AKAP12: variants seen among roughly 807,000 people sequenced by gnomAD.
The protein encoded by AKAP12 is A-kinase anchoring protein 12, also known as A-kinase anchor protein 12.
AKAP12 carries 32 observed loss-of-function variants against 79.9 expected under a neutral mutation model. The ratio of observed to expected loss-of-function variants is 0.40; its 90% CI spans 0.30 to 0.54. AKAP12 has a LOEUF of 0.54. Ranked by LOEUF, AKAP12 falls within the 20% of genes least tolerant of loss-of-function variation. AKAP12 has a pLI of 0.48. For synonymous variants in AKAP12, 808 were observed against 857.0 expected (o/e 0.94, Z 1.00); for missense variants, 2,074 against 2,177.0 (o/e 0.95, Z 0.94).
intron 3 of AKAP12, 29 bp from the exon 4 acceptor site, chr6:151,348,682 C>CCA: frequency 7.0e-5 from 14 of 198,900 alleles, no homozygotes; most frequent in East Asian, 1.3e-4. Flanking sequence ...TTCTCTTCTC[C>CCA]CCACCCCCCC....
intron 2 of AKAP12, among the ~76,000 whole-genome samples, chr6:151,299,576 G>A (rs1776809820): frequency 6.6e-6 from 1 of 151,804 alleles, no homozygotes; most frequent in Non-Finnish European, 1.5e-5. Context: ...GGTTATTTTT[G>A]TTTAGTTTGG....
intron 2 of AKAP12, among the ~76,000 whole-genome samples, chr6:151,244,397 G>A (rs139200445): frequency 0.051 from 7,689 of 152,162 alleles, 682 homozygotes; most frequent in African/African-American, 0.18. Flanking sequence ...GGTGGCGGGC[G>A]CCTGTAGTCC....
chr6:151,270,786 A>C (rs903964447), intron 2 of AKAP12, among the ~76,000 whole-genome samples: 1 of 150,608 alleles, frequency 6.6e-6, no homozygotes, highest in Non-Finnish European at 1.5e-5. Flanking sequence ...AATTGTGTGG[A>C]TCCCTTTTGC....
chr6:151,347,109 G>A (rs7776145), intron 3 of AKAP12, among the ~76,000 whole-genome samples: 10,154 of 152,254 alleles, frequency 0.067, 446 homozygotes, highest in East Asian at 0.14. Flanking sequence ...AAAATACAAA[G>A]GATCCATTAT....
chr6:151,267,100 C>CA (rs1453029637), intron 2 of AKAP12, among the ~76,000 whole-genome samples: 1 of 142,858 alleles, frequency 7.0e-6, no homozygotes, highest in East Asian at 2.1e-4. Flanking sequence ...TTCATCTTTT[C>CA]AAAACTTTCA....
intron 3 of AKAP12, among the ~76,000 whole-genome samples, chr6:151,343,729 A>G (rs1355126098): frequency 6.6e-6 from 1 of 152,218 alleles, no homozygotes; most frequent in Admixed American, 6.5e-5. Context: ...GGTTGCAGTG[A>G]GCTGAGATCG....
intron 2 of AKAP12, among the ~76,000 whole-genome samples, chr6:151,297,019 G>GTTTTTTTTT (rs36046672): frequency 3.1e-5 from 4 of 127,654 alleles, no homozygotes; most frequent in East Asian, 2.3e-4. Context: ...AAATAAAAGG[G>GTTTTTTTTT]TTTTTTTTTT....
intron 2 of AKAP12, among the ~76,000 whole-genome samples, chr6:151,275,019 G>A (rs111930575): frequency 0.15 from 23,384 of 152,030 alleles, 1,939 homozygotes; most frequent in Middle Eastern, 0.21. Context: ...CGGGAGGATC[G>A]ATTGAGCCTG....
At chr6:151,246,073 T>G (rs577960333) in intron 2 of AKAP12, among the ~76,000 whole-genome samples, 23 of 152,348 alleles carry the variant, frequency 1.5e-4, no homozygotes, top group African/African-American at 5.0e-4. Flanking sequence ...TATATTTAGA[T>G]TGTCCTCGTC....
chr6:151,353,734 ATC>A lies in AKAP12; in HGVS notation c.5345_5346del (p.Ser1782LeufsTer25). On this transcript the variant is annotated frameshift_variant, in exon 4 of 5. Transcript: ENST00000402676. LOFTEE classifies it low-confidence loss of function (END_TRUNC). ...AATCTGCAAAGTCAGAACTTACAGA[ATC>A]TTAAAACATCATGCAGGTAAGCTTC... ...RESAKSELTE[S>X] is the part of the protein sequence containing the mutation. 1 of 1,571,820 alleles carries A rather than the reference ATC, an allele frequency of 6.4e-7. No homozygotes were observed. The highest frequency in any genetic ancestry group is 8.6e-7 in the Non-Finnish European group (1 of 1,160,826).
chr6:151,276,311 CTGAT>C (rs1234361359), intron 2 of AKAP12, among the ~76,000 whole-genome samples: 1 of 152,206 alleles, frequency 6.6e-6, no homozygotes, highest in African/African-American at 2.4e-5. Flanking sequence ...GTTATAGTCA[CTGAT>C]TGCAAGTGCT....
At chr6:151,279,306 C>T (rs1776351409) in intron 2 of AKAP12, among the ~76,000 whole-genome samples, 1 of 152,042 alleles carries the variant, frequency 6.6e-6, no homozygotes, top group Non-Finnish European at 1.5e-5. Flanking sequence ...GTTTCTAATC[C>T]TAACAAGGTC....
intron 3 of AKAP12, chr6:151,323,885 T>C (rs1158473098): frequency 5.1e-6 from 5 of 985,268 alleles, no homozygotes; most frequent in Non-Finnish European, 6.0e-6. Flanking sequence ...TGAGAAATGA[T>C]GCAGAACCAA....
At chr6:151,287,172 C>G (rs1385415914) in intron 2 of AKAP12, among the ~76,000 whole-genome samples, 2 of 152,148 alleles carry the variant, frequency 1.3e-5, no homozygotes, top group Admixed American at 1.3e-4. Context: ...ATCTCCTGAC[C>G]TTGTGATCCA....
intron 3 of AKAP12, among the ~76,000 whole-genome samples, chr6:151,332,875 C>T (rs546516632): frequency 3.3e-5 from 5 of 152,308 alleles, no homozygotes; most frequent in African/African-American, 7.2e-5. Flanking sequence ...CCAGTGAGTA[C>T]GTGAGCACCA....
intron 2 of AKAP12, among the ~76,000 whole-genome samples, chr6:151,289,800 G>A (rs1004357639): frequency 1.3e-5 from 2 of 152,196 alleles, no homozygotes; most frequent in African/African-American, 4.8e-5. Context: ...TGTAAAGGGA[G>A]GGTGGTGGGC....
chr6:151,300,015 A>G (rs1776826131), intron 2 of AKAP12, among the ~76,000 whole-genome samples: 1 of 152,196 alleles, frequency 6.6e-6, no homozygotes, highest in Non-Finnish European at 1.5e-5. Context: ...GGGTTTGCGT[A>G]TTTAAAATTC....
intron 2 of AKAP12, among the ~76,000 whole-genome samples, chr6:151,282,998 A>G (rs908203740): frequency 3.6e-4 from 55 of 152,152 alleles, no homozygotes; most frequent in Non-Finnish European, 1.0e-4. Flanking sequence ...ACTGTTGAAG[A>G]GTATTCAGGA....
At chr6:151,320,197 T>G (rs1327083886) in intron 3 of AKAP12, among the ~76,000 whole-genome samples, 1 of 152,080 alleles carries the variant, frequency 6.6e-6, no homozygotes, top group East Asian at 1.9e-4. Context: ...GTAGCCTGCT[T>G]TATTGCAGCC....
Sources: allele counts gnomAD v4.1 joint callset (sites outside exome capture counted in the v4.1 genomes callset), GRCh38; gene constraint gnomAD v4.1.1; transcripts MANE v1.5; gene names NCBI Gene and HGNC (gene_info 2026-07-23, HGNC 2026-07-21).